Variants in MUC4 observed in about 807,000 individuals in gnomAD.
MUC4 encodes mucin 4, cell surface associated.
Under a neutral mutation model 257.9 loss-of-function variants are expected in MUC4, and 202 were observed. That is an observed-to-expected ratio of 0.78 (90% CI 0.70 to 0.88). MUC4 has a LOEUF of 0.88. Ranked by LOEUF, MUC4 falls within the 40% of genes least tolerant of loss-of-function variation. The pLI is 0.00. For synonymous variants in MUC4, 2,351 were observed against 2,757.1 expected (o/e 0.85, Z 4.62); for missense variants, 5,976 against 6,513.7 (o/e 0.92, Z 2.84).
At chr3:195,768,960 G>C in intron 7 of MUC4, 62 bp downstream of exon 7, 2 of 1,564,710 alleles carry the variant, frequency 1.3e-6, no homozygotes, top group Admixed American at 3.5e-5. Flanking sequence ...TGTGTGCAGC[G>C]AAAGCCGACT....
In MUC4 at chr3:195,789,744, C is replaced by T. The variant is rs753556481; in HGVS notation, c.1836G>A (p.Thr612=). The part of the protein sequence containing the change: ...LDRHTSQQIT[T]APSTNHSTIH... ...TTGTTGAATGATTTGTTGATGGTGCCGTTGTAATTTGTTGGGATGTGTGTC... is the reference window on the plus strand; with the variant it reads ...TTGTTGAATGATTTGTTGATGGTGCTGTTGTAATTTGTTGGGATGTGTGTC... Residue 612 remains threonine, a synonymous_variant, in exon 2 of 25, where the codon ACG becomes ACA. Coordinates refer to ENST00000463781, the MANE Select transcript of MUC4 (RefSeq NM_018406.7). 19 of 1,613,638 alleles carry T rather than the reference C, an allele frequency of 1.2e-5. No individual in the cohort carries two copies. In the African/African-American group the frequency reaches 1.6e-4, roughly 14 times the overall value.
chr3:195,752,338 C>T (rs1293355851), intron 21 of MUC4, 35 bp downstream of exon 21: 6 of 1,577,712 alleles, frequency 3.8e-6, no homozygotes, highest in Non-Finnish European at 5.2e-6. Context: ...CGCCAAGCGC[C>T]CCCTCCCACC....
Position 195,786,624 on chromosome 3 carries a change from G to C in MUC4, c.4956C>G (p.Thr1652=), listed in dbSNP as rs1351815539. ...GACCTGTGGATGCTGAGGAAGGGCT[G>C]GTGACATGAAGAGGGGTGGCGTGAC... is the stretch of plus-strand genomic sequence containing the variant. The part of the protein sequence containing the change: ...STGHATPLHV[T]SPSSASTGHA... Residue 1652 remains threonine, a synonymous_variant, in exon 2 of 25, where the codon ACC becomes ACG. Transcript: ENST00000463781. The C allele has an allele frequency of 2.0e-6, 3 of 1,523,650 alleles. No homozygotes were observed. The highest frequency in any genetic ancestry group is 5.4e-5 in the East Asian group (2 of 37,304). The allele number at this position is 1,523,650 out of a possible 1,614,324, so 94.4% of individuals were successfully genotyped here.
At position 195,755,330 on chromosome 3, in the gene MUC4, A is replaced by G. The variant is rs1717455090; in HGVS notation, c.15169-958T>C. Among the ~76,000 whole-genome samples the G allele has an allele frequency of 6.6e-6, 1 of 151,384 alleles. No homozygotes were observed. Among genetic ancestry groups the G allele is most frequent in the South Asian group, 2.1e-4 (1 of 4,802 alleles). On this transcript the variant is annotated intron_variant, in intron 18 of 24. Coordinates refer to ENST00000463781, the MANE Select transcript of MUC4 (RefSeq NM_018406.7). This position sits in a 1 kb window ranked among gnomAD's most constrained non-coding sequence, Gnocchi z 5.0. ...TGTGCCTCAGCCTCCCAAATACTTG[A>G]GATTACAGGCATATGCCACCACGCC...
chr3:195,783,835 G>C lies in MUC4; in HGVS notation c.7745C>G (p.Thr2582Ser). Residue 2582 changes from threonine to serine, a missense_variant, in exon 2 of 25, where the codon ACT becomes AGT. This residue lies in a region of MUC4 where 135 missense variants were observed against 114.7 expected (regional missense o/e 1.18). Coordinates refer to ENST00000463781, the MANE Select transcript of MUC4 (RefSeq NM_018406.7). ...GGTGTCACCTGTGGATGCTGAGGAA[G>C]TGCTGGTGACAGGAAGAGGGGTGGC... The part of the protein sequence containing the change: ...GHATPLPVTS[T>S]SSASTGDTTP... The C allele has an allele frequency of 7.2e-7, 1 of 1,389,724 alleles. No homozygotes were observed. Among genetic ancestry groups the C allele is most frequent in the East Asian group, 2.6e-5 (1 of 38,418 alleles). The allele number at this position is 1,389,724 out of a possible 1,614,324, so 86.1% of individuals were successfully genotyped here.
In MUC4 at chr3:195,762,238, G is replaced by A. The variant is rs1026132419; in HGVS notation, c.14361C>T (p.Asn4787=). 1.5e-5 allele frequency: 23 copies of A among 1,585,634 alleles called. No homozygotes were observed. The highest frequency in any genetic ancestry group is 1.4e-4 in the East Asian group (6 of 42,948). ...TGCGGCTCAGGAGGACTCCGGTGGC[G>A]TTGAACGTCTCCTGGCCTGGAGCAT... ...HEDGGGQETF[N]ATGVLLSRNG... The change falls in exon 14 of 25, where the codon AAC becomes AAT. Residue 4787 remains asparagine (N), a synonymous_variant. Coordinates refer to ENST00000463781, the MANE Select transcript of MUC4 (RefSeq NM_018406.7).
In MUC4 at chr3:195,751,031, CG is replaced by C. The variant is rs1560217120; in HGVS notation, c.15728del (p.Pro5243ArgfsTer6). On this transcript the variant is annotated frameshift_variant, in exon 23 of 25. Coordinates refer to ENST00000463781, the MANE Select transcript of MUC4 (RefSeq NM_018406.7). LOFTEE classifies it high-confidence loss of function. The stretch of plus-strand genomic sequence containing the variant: ...GCTGGTTGTTCAGGAAGTCAATGAC[CG>C]GGCCCCGAGGGCGGTACTGGAACTC... The part of the protein sequence containing the change: ...ISEFQYRPRG[P>X]VIDFLNNQLL... 1 of 1,613,622 alleles carries C rather than the reference CG, an allele frequency of 6.2e-7. No individual in the cohort carries two copies.
At position 195,751,120 on chromosome 3, in the gene MUC4, G is replaced by T. The variant is rs1458141538; in HGVS notation, c.15648-8C>A. The T allele has an allele frequency of 1.9e-6, 3 of 1,597,284 alleles. No homozygotes were observed. Among genetic ancestry groups the T allele is most frequent in the Non-Finnish European group, 2.6e-6 (3 of 1,172,432 alleles). On this transcript the variant is annotated splice_polypyrimidine_tract_variant and splice_region_variant and intron_variant, in intron 22 of 24. Transcript: ENST00000463781. ...GCCGGTGCTGCAGAATCGCTGTGTGGGAGGGCAACGGTGAGGGGGGGTGGG... is the reference window on the plus strand; with the variant it reads ...GCCGGTGCTGCAGAATCGCTGTGTGTGAGGGCAACGGTGAGGGGGGGTGGG...
intron 5 of MUC4, among the ~76,000 whole-genome samples, chr3:195,771,078 T>TTGGGGTATTCCTGGTCAGTCTCGC (rs1560273357): frequency 1.6e-4 from 7 of 42,698 alleles, no homozygotes; most frequent in African/African-American, 3.4e-4. Flanking sequence ...GTCAGTCTCG[T>TTGGGGTATTCCTGGTCAGTCTCGC]GGCCGGGTTG....
At chr3:195,763,046 G>T in intron 12 of MUC4, 101 bp from the exon 13 acceptor site, 1 of 1,044,006 alleles carries the variant, frequency 9.6e-7, no homozygotes, top group Non-Finnish European at 1.4e-6. Context: ...TGCGCCCTGG[G>T]CCGGGAGGAA....
At position 195,761,122 on chromosome 3, in the gene MUC4, AACAC is replaced by A. The variant is rs1462940409; in HGVS notation, c.14615-9_14615-6del. ...GGCCTGTCCCGTTGATCTGCCCTGTAACACACAGAGCGCGGTGGTACCAGGCATG... is the reference window on the plus strand; with the variant it reads ...GGCCTGTCCCGTTGATCTGCCCTGTAACAGAGCGCGGTGGTACCAGGCATG... On this transcript the variant is annotated splice_region_variant and splice_polypyrimidine_tract_variant and intron_variant, in intron 15 of 24. Transcript: ENST00000463781. 3.7e-6 allele frequency: 6 copies of A among 1,611,438 alleles called. No homozygotes were observed. Among genetic ancestry groups the A allele is most frequent in the Non-Finnish European group, 5.1e-6 (6 of 1,177,640 alleles).
At chr3:195,748,503 G>T (rs1338463557) in intron 24 of MUC4, among the ~76,000 whole-genome samples, 1 of 152,392 alleles carries the variant, frequency 6.6e-6, no homozygotes, top group Non-Finnish European at 1.5e-5. Context: ...GAAGGACGTT[G>T]CAGTGAGCCG....
In MUC4 at chr3:195,786,832, G is replaced by T. The variant is rs1327483651; in HGVS notation, c.4748C>A (p.Thr1583Asn). The change falls in exon 2 of 25, where the codon ACC becomes AAC. Residue 1583 changes from threonine (T) to asparagine (N), a missense_variant. By Grantham distance (65) the Thr-to-Asn change is moderately conservative (BLOSUM62 0). Coordinates refer to ENST00000463781, the MANE Select transcript of MUC4 (RefSeq NM_018406.7). ...GGAAGTGTCGGTGACAGGAAGAGGG[G>T]TGGTGTGACCTGTAGATGCTGAGGA... The part of the protein sequence containing the change: ...SPSSASTGHT[T>N]PLPVTDTSSA... 3 of 1,527,280 alleles carry T rather than the reference G, an allele frequency of 2.0e-6. No individual in the cohort carries two copies. The highest frequency in any genetic ancestry group is 2.6e-6 in the Non-Finnish European group (3 of 1,133,632). 94.6% of individuals were successfully genotyped at this position (1,527,280 alleles called of 1,614,324 possible). A position where few individuals can be genotyped will look rare whatever the true frequency, so the allele number is the denominator to read the frequency against.
rs1222335374 is a variant in MUC4 at position 195,782,329 on chromosome 3, C to T, written c.9251G>A (p.Gly3084Asp). ...GGTGACAGGAAGAGGGGTGGCGTGA[C>T]CTGTGGATGCTGAGGAAGTGTCGGT... ...PVTDTSSAST[G>D]HATPLPVTSL... Residue 3084 changes from glycine (G) to aspartate (D), a missense_variant, in exon 2 of 25, where the codon GGT (glycine) becomes GAT (aspartate). Physicochemically the swap from Gly to Asp is moderately conservative, Grantham distance 94. This residue lies in a region of MUC4 where 52 missense variants were observed against 102.2 expected (regional missense o/e 0.51). Transcript: ENST00000463781. 38 of 1,465,674 alleles carry T rather than the reference C, an allele frequency of 2.6e-5. 1 individual carries two copies. The Middle Eastern group carries it at 7.1e-4, about 27-fold the overall frequency. The allele number at this position is 1,465,674 out of a possible 1,614,324, so 90.8% of individuals were successfully genotyped here.
In MUC4 at chr3:195,782,605, A is replaced by T. The variant is rs75221587; in HGVS notation, c.8975T>A (p.Leu2992His). ...TGAGGAAGTGTCGGTGACAGGAAGAAGGGTGGCGTGACCTGTGGATGCTGA... is the reference window on the plus strand; with the variant it reads ...TGAGGAAGTGTCGGTGACAGGAAGATGGGTGGCGTGACCTGTGGATGCTGA... ...TSSASTGHAT[L>H]LPVTDTSSAS... Residue 2992 changes from leucine (L) to histidine (H), a missense_variant, in exon 2 of 25, where the codon CTT becomes CAT. Transcript: ENST00000463781. 3.4e-5 allele frequency: 30 copies of T among 893,866 alleles called. 2 individuals carry two copies. The African/African-American group carries it at 1.1e-3, about 33-fold the overall frequency. The allele number at this position is 893,866 out of a possible 1,614,324, so 55.4% of individuals were successfully genotyped here. A position where few individuals can be genotyped will look rare whatever the true frequency, so the allele number is the denominator to read the frequency against.
chr3:195,794,277 C>CT (rs1000113465), intron 1 of MUC4, among the ~76,000 whole-genome samples: 18 of 150,272 alleles, frequency 1.2e-4, no homozygotes, highest in Non-Finnish European at 1.8e-4. Flanking sequence ...GAAAACTTGC[C>CT]TTTTTTTTTC....
In MUC4 at chr3:195,784,205, T is replaced by G; in HGVS notation, c.7375A>C (p.Thr2459Pro). 1.6e-6 allele frequency: 2 copies of G among 1,276,610 alleles called. No homozygotes were observed. Among genetic ancestry groups the G allele is most frequent in the Admixed American group, 4.5e-5 (2 of 44,852 alleles). 79.1% of individuals were successfully genotyped at this position (1,276,610 alleles called of 1,614,324 possible). The change falls in exon 2 of 25, where the codon ACA (threonine) becomes CCA (proline). Residue 2459 changes from threonine (T) to proline (P), a missense_variant. Transcript: ENST00000463781. ...CCAGGAAGAGGGGTGGTGTCACCTG[T>G]GGATGCTGAGGAAGTGCTGGTGACA... Reference protein sequence around the residue: ...LPVTSTSSASTGDTTPLPGTD... With the variant: ...LPVTSTSSASPGDTTPLPGTD...
In MUC4 at chr3:195,785,838, G is replaced by T; in HGVS notation, c.5742C>A (p.Ser1914=). 1 of 1,519,078 alleles carries T rather than the reference G, an allele frequency of 6.6e-7. No individual in the cohort carries two copies. Among genetic ancestry groups the T allele is most frequent in the Non-Finnish European group, 8.9e-7 (1 of 1,125,458 alleles). 94.1% of individuals were successfully genotyped at this position (1,519,078 alleles called of 1,614,324 possible). A position where few individuals can be genotyped will look rare whatever the true frequency, so the allele number is the denominator to read the frequency against. ...PLHVTDASSV[S]TGHATSLPVT... ...CAGGAAGAGAGGTGGCGTGACCTGT[G>T]GATACTGAGGAAGCGTCGGTGACAT... The change falls in exon 2 of 25, where the codon TCC becomes TCA. Residue 1914 remains serine (S), a synonymous_variant. Coordinates refer to ENST00000463781, the MANE Select transcript of MUC4 (RefSeq NM_018406.7).
rs187119574 is a variant in MUC4 at position 195,805,811 on chromosome 3, A to G, written c.82+5925T>C. On this transcript the variant is annotated intron_variant, in intron 1 of 24. Transcript: ENST00000463781. ...TGTGCCTGGCCTTGTCTGTCATTTC[A>G]ATTACTCAAAATCCATAATCTGGGC... 1.3e-4 allele frequency among the ~76,000 whole-genome samples: 19 copies of G among 151,734 alleles called. No individual in the cohort carries two copies. The East Asian group carries it at 3.1e-3, about 25-fold the overall frequency.
Sources: gnomAD v4.1 joint callset for allele counts (sites outside exome capture counted in the v4.1 genomes callset) on GRCh38, gnomAD v4.1.1 for gene constraint, gnomAD v4.1.1 regional missense constraint, Gnocchi (gnomAD v3.1) non-coding constraint, MANE v1.5 for transcripts, NCBI Gene and HGNC (gene_info 2026-07-23, HGNC 2026-07-21) for gene names.